Variants in MYBL1 observed in about 807,000 individuals in gnomAD.
MYBL1 encodes the protein MYB proto-oncogene like 1.
Under a neutral mutation model 96.3 loss-of-function variants are expected in MYBL1, and 17 were observed. The ratio of observed to expected loss-of-function variants is 0.18; its 90% CI spans 0.12 to 0.26. The LOEUF (loss-of-function observed/expected upper bound fraction) is 0.26. Among genes scored for constraint, MYBL1 ranks in the 10% least tolerant of loss-of-function variants. The pLI, the probability that MYBL1 is intolerant of heterozygous loss-of-function variation, is 1.00. For missense variants in MYBL1, 701 were observed against 882.9 expected (o/e 0.79, Z 2.61); for synonymous variants, 282 against 292.7 (o/e 0.96, Z 0.37).
At chr8:66,590,073 C>CA (rs954015806) in intron 8 of MYBL1, among the ~76,000 whole-genome samples, 9 of 151,722 alleles carry the variant, frequency 5.9e-5, no homozygotes, top group African/African-American at 1.9e-4. Flanking sequence ...GACCCTGACT[C>CA]AAAAAATCCC....
In MYBL1 at chr8:66,599,150, A is replaced by C. The variant is rs1809967894; in HGVS notation, c.199-8T>G. 8 of 1,555,006 alleles carry C rather than the reference A, an allele frequency of 5.1e-6. No individual in the cohort carries two copies. Among genetic ancestry groups the C allele is most frequent in the Non-Finnish European group, 6.9e-6 (8 of 1,154,902 alleles). On this transcript the variant is annotated splice_polypyrimidine_tract_variant and splice_region_variant and intron_variant, in intron 3 of 15. Transcript: ENST00000522677. Reference sequence around the variant, plus strand: ...CTGAAAATCAGAGCGATTCTGAAAAAATTTAGAAGATTTTGTTATTAAACA... The same window carrying C: ...CTGAAAATCAGAGCGATTCTGAAAACATTTAGAAGATTTTGTTATTAAACA...
Position 66,573,351 on chromosome 8 carries a change from A to G in MYBL1, c.1613+13T>C. On this transcript the variant is annotated intron_variant, in intron 11 of 15. Transcript: ENST00000522677. ...CCCATTTTCTCTAACACAATTATTT[A>G]ATACCTACTTACCCTACATTTTCCT... is the stretch of plus-strand genomic sequence containing the variant. 1 of 1,596,100 alleles carries G rather than the reference A, an allele frequency of 6.3e-7. No individual in the cohort carries two copies. The highest frequency in any genetic ancestry group is 8.5e-7 in the Non-Finnish European group (1 of 1,174,094).
intron 15 of MYBL1, among the ~76,000 whole-genome samples, 154 bp downstream of exon 15, chr8:66,565,910 C>T (rs1808484862): frequency 6.6e-6 from 1 of 151,906 alleles, no homozygotes; most frequent in African/African-American, 2.4e-5. Flanking sequence ...TCGCTCAAAC[C>T]CAAATGTGAG....
At chr8:66,612,760 GA>G in intron 1 of MYBL1, 58 bp downstream of exon 1, 1 of 1,342,082 alleles carries the variant, frequency 7.5e-7, no homozygotes, top group South Asian at 2.4e-5. Context: ...AGCGGGATAG[GA>G]AAGAGAATCT....
chr8:66,564,757 TG>T lies in MYBL1; in HGVS notation c.2198del (p.Ala733GlufsTer5). ...TEDQLIMTEQARRYLSTYTAT... is the reference protein window; with the variant it reads ...TEDQLIMTEQXRRYLSTYTAT... ...CTGTGTAAGTACTCAGATATCTTCTTGCTTGTTCAGTCATAATAAGTTGGTC... is the reference window on the plus strand; with the variant it reads ...CTGTGTAAGTACTCAGATATCTTCTTCTTGTTCAGTCATAATAAGTTGGTC... On this transcript the variant is annotated frameshift_variant, in exon 16 of 16. Coordinates refer to ENST00000522677, the MANE Select transcript of MYBL1 (RefSeq NM_001080416.4). LOFTEE classifies it high-confidence loss of function. The T allele has an allele frequency of 6.3e-7, 1 of 1,585,820 alleles. No individual in the cohort carries two copies.
At position 66,593,101 on chromosome 8, in the gene MYBL1, C is replaced by A; in HGVS notation, c.762+19G>T. 6.7e-7 allele frequency: 1 copy of A among 1,490,270 alleles called. No individual in the cohort carries two copies. The highest frequency in any genetic ancestry group is 2.4e-5 in the East Asian group (1 of 42,110). 92.3% of individuals were successfully genotyped at this position (1,490,270 alleles called of 1,614,324 possible). On this transcript the variant is annotated intron_variant, in intron 7 of 15. Coordinates refer to ENST00000522677, the MANE Select transcript of MYBL1 (RefSeq NM_001080416.4). ...GACTGAACACATTTCCTTTGGTTTT[C>A]GTTATAAATAAAAGTTACCTGAATA...
chr8:66,583,360 T>C (rs544636893), intron 8 of MYBL1, among the ~76,000 whole-genome samples: 9 of 152,008 alleles, frequency 5.9e-5, no homozygotes, highest in Non-Finnish European at 1.0e-4. Flanking sequence ...GGGAAGTTTA[T>C]AGAAATAAAT....
At chr8:66,594,546 AT>A in intron 6 of MYBL1, among the ~76,000 whole-genome samples, 1 of 152,278 alleles carries the variant, frequency 6.6e-6, no homozygotes, top group African/African-American at 2.4e-5. Context: ...GGCCCCATGT[AT>A]TATCTTTCTA....
intron 9 of MYBL1, among the ~76,000 whole-genome samples, chr8:66,578,337 A>T (rs893374006): frequency 4.6e-5 from 7 of 151,864 alleles, no homozygotes; most frequent in Admixed American, 2.6e-4. Context: ...CTCATCTGAC[A>T]AAGGGCTAAT....
chr8:66,581,727 T>A (rs979827755), intron 8 of MYBL1, among the ~76,000 whole-genome samples: 1 of 152,036 alleles, frequency 6.6e-6, no homozygotes, highest in Non-Finnish European at 1.5e-5. Context: ...ATCCCATATA[T>A]GGAAATCTTT....
intron 12 of MYBL1, among the ~76,000 whole-genome samples, chr8:66,568,136 T>C (rs570087465): frequency 6.6e-6 from 1 of 151,528 alleles, no homozygotes; most frequent in African/African-American, 2.4e-5. Context: ...GAGAGAATGG[T>C]ATTCATATAT....
rs752290489 is a variant in MYBL1 at position 66,602,523 on chromosome 8, A to G, written c.21T>C (p.Ser7=). Reference sequence around the variant, plus strand: ...ACTGAAGGTCATCATCCTCATCCTCACTACAAAAAAAACACAATTTGTGAT... The same window carrying G: ...ACTGAAGGTCATCATCCTCATCCTCGCTACAAAAAAAACACAATTTGTGAT... MAKRSR[S]EDEDDDLQYA... The change falls in exon 2 of 16, where the codon AGT becomes AGC. Residue 7 remains serine, a splice_region_variant and synonymous_variant. Coordinates refer to ENST00000522677, the MANE Select transcript of MYBL1 (RefSeq NM_001080416.4). 1 of 1,574,766 alleles carries G rather than the reference A, an allele frequency of 6.4e-7. No individual in the cohort carries two copies. The highest frequency in any genetic ancestry group is 2.3e-5 in the East Asian group (1 of 44,132).
intron 8 of MYBL1, among the ~76,000 whole-genome samples, chr8:66,587,776 T>C (rs1809479350): frequency 6.6e-6 from 1 of 152,336 alleles, no homozygotes; most frequent in South Asian, 2.1e-4. Context: ...TATAAGCAAC[T>C]GATATGTGGC....
Position 66,613,132 on chromosome 8 carries a change from G to A in MYBL1, c.-294C>T, listed in dbSNP as rs1810603775. 2.5e-6 allele frequency: 1 copy of A among 402,440 alleles called. No individual in the cohort carries two copies. The highest frequency in any genetic ancestry group is 4.4e-6 in the Non-Finnish European group (1 of 227,696). The allele number at this position is 402,440 out of a possible 1,614,324, so 24.9% of individuals were successfully genotyped here. ...CCGCCCTCCGCCGGCTTCTCCCGCC[G>A]CTTGTCAGCCTCCCTGCCCTGGCCC... is the stretch of plus-strand genomic sequence containing the variant. On this transcript the variant is annotated 5_prime_UTR_variant, in exon 1 of 16. Transcript: ENST00000522677.
At chr8:66,599,222 T>C (rs1379862621) in intron 3 of MYBL1, 80 bp from the exon 4 acceptor site, 6 of 857,110 alleles carry the variant, frequency 7.0e-6, no homozygotes, top group Non-Finnish European at 1.0e-5. Context: ...TCTCACATCC[T>C]TAGAACAAAG....
intron 5 of MYBL1, among the ~76,000 whole-genome samples, chr8:66,596,710 T>C (rs1809863338): frequency 6.6e-6 from 1 of 152,158 alleles, no homozygotes; most frequent in Admixed American, 6.5e-5. Context: ...ATGCGTATCT[T>C]CTAAGTTATG....
At chr8:66,578,890 C>T (rs1416188593) in intron 9 of MYBL1, among the ~76,000 whole-genome samples, 1 of 152,102 alleles carries the variant, frequency 6.6e-6, no homozygotes, top group Non-Finnish European at 1.5e-5. Context: ...CCATGGAATA[C>T]TATGCAGCCA....
At chr8:66,580,475 T>C (rs1162471270) in intron 8 of MYBL1, 109 bp from the exon 9 acceptor site, 9 of 713,950 alleles carry the variant, frequency 1.3e-5, no homozygotes, top group Non-Finnish European at 2.0e-5. Context: ...AAATATTTTG[T>C]CTTTCCTCAA....
At chr8:66,609,961 C>A (rs1384695781) in intron 1 of MYBL1, among the ~76,000 whole-genome samples, 3 of 151,904 alleles carry the variant, frequency 2.0e-5, no homozygotes, top group Non-Finnish European at 4.4e-5. Context: ...AAAATTGGTT[C>A]CTATACACAC....
Sources: allele counts gnomAD v4.1 joint callset (sites outside exome capture counted in the v4.1 genomes callset), GRCh38; gene constraint gnomAD v4.1.1; transcripts MANE v1.5; gene names NCBI Gene and HGNC (gene_info 2026-07-23, HGNC 2026-07-21).